Variants in LRRC4C observed in about 807,000 individuals in gnomAD.
LRRC4C encodes the protein leucine-rich repeat-containing protein 4C.
Under a neutral mutation model 33.6 loss-of-function variants are expected in LRRC4C, and 5 were observed. The ratio of observed to expected loss-of-function variants is 0.15; its 90% CI spans 0.08 to 0.31. The LOEUF is 0.31. LRRC4C is among the 10% of genes least tolerant of loss of function. The pLI is 1.00. For synonymous variants in LRRC4C, 329 were observed against 302.0 expected (o/e 1.09, Z -0.93); for missense variants, 560 against 796.7 (o/e 0.70, Z 3.58).
intron 2 of LRRC4C, among the ~76,000 whole-genome samples, chr11:40,715,226 T>C (rs1402664327): frequency 6.6e-6 from 1 of 152,130 alleles, no homozygotes; most frequent in Non-Finnish European, 1.5e-5. Context: ...GGAAACTAAG[T>C]AGAAAAGTGA....
At chr11:41,401,339 C>A (rs1459029336) in intron 1 of LRRC4C, among the ~76,000 whole-genome samples, 2 of 151,844 alleles carry the variant, frequency 1.3e-5, no homozygotes, top group African/African-American at 2.4e-5. Context: ...AGACTATAAC[C>A]ATTACGGCAG....
At chr11:40,249,866 C>T (rs557370265) in intron 4 of LRRC4C, among the ~76,000 whole-genome samples, 2 of 152,096 alleles carry the variant, frequency 1.3e-5, no homozygotes, top group Admixed American at 1.3e-4. Flanking sequence ...TATGATACTG[C>T]CTTTTGTTCT....
intron 3 of LRRC4C, among the ~76,000 whole-genome samples, chr11:40,442,892 T>C (rs1951458374): frequency 6.6e-6 from 1 of 152,190 alleles, no homozygotes; most frequent in South Asian, 2.1e-4. Flanking sequence ...CTGTACTTTA[T>C]GTCTAAAACT....
intron 1 of LRRC4C, among the ~76,000 whole-genome samples, chr11:41,406,519 G>A (rs1299235303): frequency 2.0e-5 from 3 of 152,056 alleles, no homozygotes; most frequent in South Asian, 2.1e-4. Flanking sequence ...CTGTACTTAC[G>A]CAATGTACAA....
intron 2 of LRRC4C, among the ~76,000 whole-genome samples, chr11:40,730,301 T>G (rs1947498949): frequency 6.6e-6 from 1 of 152,176 alleles, no homozygotes; most frequent in African/African-American, 2.4e-5. Context: ...TGGCCAACTG[T>G]AGGACCTATG....
At chr11:41,389,597 A>G (rs1471764072) in intron 1 of LRRC4C, among the ~76,000 whole-genome samples, 3 of 149,064 alleles carry the variant, frequency 2.0e-5, no homozygotes, top group Non-Finnish European at 4.5e-5. Flanking sequence ...TCTCAAGTTC[A>G]GCTGTAATCA....
At chr11:40,328,895 C>T (rs1946220235) in intron 3 of LRRC4C, among the ~76,000 whole-genome samples, 2 of 152,102 alleles carry the variant, frequency 1.3e-5, no homozygotes, top group Non-Finnish European at 2.9e-5. Context: ...GGGGTAATCC[C>T]CAAAACTTTC....
rs150944223 is a variant in LRRC4C at position 40,825,659 on chromosome 11, T to A, written c.-407+107976A>T. Among the ~76,000 whole-genome samples, 6 of 151,972 alleles carry A rather than the reference T, an allele frequency of 3.9e-5. No homozygotes were observed. In the East Asian group the frequency reaches 1.2e-3, roughly 30 times the overall value. On this transcript the variant is annotated intron_variant, in intron 2 of 6. Transcript: ENST00000528697. ...TAGCTGGTTTGGACCTGGCCTTCAT[T>A]TTTCCCACCTTCATTTCCTTCAGAG...
chr11:40,443,049 C>A (rs562304034), intron 3 of LRRC4C, among the ~76,000 whole-genome samples: 3 of 152,132 alleles, frequency 2.0e-5, no homozygotes, highest in African/African-American at 7.2e-5. Context: ...AATCTCATTA[C>A]ATGTTTAATT....
At chr11:40,683,105 TTTCTC>T (rs1431180061) in intron 2 of LRRC4C, among the ~76,000 whole-genome samples, 1 of 152,230 alleles carries the variant, frequency 6.6e-6, no homozygotes, top group Non-Finnish European at 1.5e-5. Context: ...AGCTATGTTC[TTTCTC>T]TTCTCCACAT....
At chr11:41,301,887 A>T (rs1950299421) in intron 1 of LRRC4C, among the ~76,000 whole-genome samples, 1 of 152,186 alleles carries the variant, frequency 6.6e-6, no homozygotes, top group South Asian at 2.1e-4. Flanking sequence ...TGATATCTTG[A>T]CACTGTTGCT....
At chr11:41,425,403 G>A (rs912802151) in intron 1 of LRRC4C, among the ~76,000 whole-genome samples, 5 of 152,036 alleles carry the variant, frequency 3.3e-5, no homozygotes, top group Admixed American at 6.6e-5. Context: ...AGACAAATAC[G>A]GGGATGAATT....
chr11:40,821,242 T>C (rs933749319), intron 2 of LRRC4C, among the ~76,000 whole-genome samples: 3 of 151,720 alleles, frequency 2.0e-5, no homozygotes, highest in Admixed American at 1.3e-4. Flanking sequence ...ATAAATTCAA[T>C]ACAACTCTAC....
At chr11:40,249,163 C>G (rs1377571755) in intron 4 of LRRC4C, among the ~76,000 whole-genome samples, 1 of 152,026 alleles carries the variant, frequency 6.6e-6, no homozygotes. Context: ...CATGGTGAAA[C>G]CCCATCTCTA....
At chr11:40,739,312 T>C (rs1231617269) in intron 2 of LRRC4C, among the ~76,000 whole-genome samples, 3 of 152,028 alleles carry the variant, frequency 2.0e-5, no homozygotes, top group Admixed American at 6.6e-5. Flanking sequence ...ATATAGTATT[T>C]GTTTTTCTGT....
intron 2 of LRRC4C, among the ~76,000 whole-genome samples, chr11:40,684,315 A>C (rs1255646968): frequency 2.0e-5 from 3 of 152,118 alleles, no homozygotes; most frequent in Non-Finnish European, 2.9e-5. Flanking sequence ...AGAAGTTTGA[A>C]AAGTACAATC....
chr11:40,791,578 G>A (rs1180791075), intron 2 of LRRC4C, among the ~76,000 whole-genome samples: 1 of 152,192 alleles, frequency 6.6e-6, no homozygotes, highest in Non-Finnish European at 1.5e-5. Context: ...GACAAAGAGA[G>A]GGGTTAGGTT....
At chr11:40,262,184 A>T (rs1399530165) in intron 4 of LRRC4C, among the ~76,000 whole-genome samples, 3 of 152,234 alleles carry the variant, frequency 2.0e-5, no homozygotes, top group Admixed American at 2.0e-4. Flanking sequence ...ATTAAGAGAC[A>T]CTTCTCAAAA....
intron 1 of LRRC4C, among the ~76,000 whole-genome samples, chr11:41,406,623 T>C (rs1954245054): frequency 6.6e-6 from 1 of 151,494 alleles, no homozygotes; most frequent in Non-Finnish European, 1.5e-5. Context: ...AGTCCAGCCA[T>C]CTCATATTAC....
Sources: allele counts gnomAD v4.1 joint callset (sites outside exome capture counted in the v4.1 genomes callset), GRCh38; gene constraint gnomAD v4.1.1; transcripts MANE v1.5; gene names NCBI Gene and HGNC (gene_info 2026-07-23, HGNC 2026-07-21).